SEC61A1: variants seen among roughly 807,000 people sequenced by gnomAD.
SEC61A1 encodes the protein protein transport protein Sec61 subunit alpha isoform 1.
A neutral mutation model predicts 55.2 loss-of-function variants in SEC61A1; 15 were observed. The ratio of observed to expected loss-of-function variants is 0.27; its 90% CI spans 0.18 to 0.42. The LOEUF (loss-of-function observed/expected upper bound fraction) is 0.42, where lower values mean the gene tolerates loss of function less well. Among genes scored for constraint, SEC61A1 ranks in the 10% least tolerant of loss-of-function variants. The pLI is 1.00. For synonymous variants in SEC61A1, 247 were observed against 234.0 expected (o/e 1.06, Z -0.51); for missense variants, 284 against 602.6 (o/e 0.47, Z 5.53).
chr3:128,060,060 G>T, intron 5 of SEC61A1, 42 bp from the exon 6 acceptor site: 2 of 1,411,966 alleles, frequency 1.4e-6, no homozygotes, highest in Non-Finnish European at 2.0e-6. Context: ...TTTGTTCTGT[G>T]TAGTGACCCA....
rs747499037 is a variant in SEC61A1 at position 128,056,709 on chromosome 3, G to C, written c.221G>C (p.Gly74Ala). ...TGTTTTGCTTCCCCGTTTCCTCAAG[G>C]CACATTGATGGAGCTAGGGATCTCT... ...WMRVILASNR[G>A]TLMELGISPI... The change falls in exon 5 of 12, where the codon GGC (glycine) becomes GCC (alanine). Residue 74 changes from glycine to alanine, a missense_variant and splice_region_variant. Gly to Ala is a moderately conservative substitution (Grantham distance 60). Transcript: ENST00000243253. The C allele has an allele frequency of 6.4e-7, 1 of 1,555,950 alleles. No individual in the cohort carries two copies. The highest frequency in any genetic ancestry group is 8.7e-7 in the Non-Finnish European group (1 of 1,150,006).
chr3:128,057,231 C>T lies in SEC61A1; in HGVS notation c.352+391C>T, dbSNP rs77005320. ...ATAGGCGTGAGCCACCATGCCCAGC[C>T]CAAACAGTATTTTCTTTTGTGCTGC... On this transcript the variant is annotated intron_variant, in intron 5 of 11. Transcript: ENST00000243253. Among the ~76,000 whole-genome samples, 782 of 152,298 alleles carry T rather than the reference C, an allele frequency of 5.1e-3. 3 individuals are homozygous for T. Among genetic ancestry groups the T allele is most frequent in the Admixed American group, 0.01 (157 of 15,302 alleles).
chr3:128,067,526 G>A lies in SEC61A1; in HGVS notation c.1081G>A (p.Ala361Thr), dbSNP rs1341567227. The A allele has an allele frequency of 6.2e-7, 1 of 1,614,048 alleles. No individual in the cohort carries two copies. The highest frequency in any genetic ancestry group is 8.5e-7 in the Non-Finnish European group (1 of 1,180,026). The change falls in exon 10 of 12, where the codon GCA becomes ACA. Residue 361 changes from alanine to threonine, a missense_variant. Physicochemically the swap from Ala to Thr is moderately conservative, Grantham distance 58. Coordinates refer to ENST00000243253, the MANE Select transcript of SEC61A1 (RefSeq NM_013336.4). The surrounding 1 kb of genome is among the most constrained non-coding windows in gnomAD (Gnocchi z 4.1). Reference sequence around the variant, plus strand: ...CTCCGTGTTAGAAGACCCGGTCCATGCAGTTGTATACATAGTGTTCATGCT... The same window carrying A: ...CTCCGTGTTAGAAGACCCGGTCCATACAGTTGTATACATAGTGTTCATGCT... The part of the protein sequence containing the change: ...FGSVLEDPVH[A>T]VVYIVFMLGS...
intron 5 of SEC61A1, among the ~76,000 whole-genome samples, chr3:128,057,925 T>C (rs1941796935): frequency 6.6e-6 from 1 of 152,082 alleles, no homozygotes; most frequent in Non-Finnish European, 1.5e-5. Flanking sequence ...ATTTACCAGC[T>C]CTGTGATCTG....
chr3:128,060,870 A>C (rs1363547106), intron 7 of SEC61A1, among the ~76,000 whole-genome samples: 2 of 152,234 alleles, frequency 1.3e-5, no homozygotes, highest in African/African-American at 2.4e-5. Context: ...TTTCATATAA[A>C]AATATCTCCT....
At chr3:128,052,982 G>C in intron 2 of SEC61A1, 80 bp downstream of exon 2, 1 of 1,076,698 alleles carries the variant, frequency 9.3e-7, no homozygotes, top group Non-Finnish European at 1.4e-6. Flanking sequence ...ATTAAAAATG[G>C]CTTCAGCACG....
Position 128,067,261 on chromosome 3 carries a change from C to T in SEC61A1, c.975+110C>T. The T allele has an allele frequency of 1.5e-6, 2 of 1,337,800 alleles. No homozygotes were observed. Among genetic ancestry groups the T allele is most frequent in the South Asian group, 1.3e-5 (1 of 75,496 alleles). The allele number at this position is 1,337,800 out of a possible 1,614,324, so 82.9% of individuals were successfully genotyped here. A position where few individuals can be genotyped will look rare whatever the true frequency, so the allele number is the denominator to read the frequency against. ...CATCCAAAGATATTTTCCATTGTGC[C>T]TTTTACAAATTCAGCACATTAAATT... On this transcript the variant is annotated intron_variant, in intron 9 of 11. Coordinates refer to ENST00000243253, the MANE Select transcript of SEC61A1 (RefSeq NM_013336.4). This position sits in a 1 kb window ranked among gnomAD's most constrained non-coding sequence, Gnocchi z 4.1.
chr3:128,053,535 C>T (rs535852956), intron 2 of SEC61A1, among the ~76,000 whole-genome samples: 1 of 152,284 alleles, frequency 6.6e-6, no homozygotes, highest in African/African-American at 2.4e-5. Context: ...CATTAGGTTC[C>T]TAGGTTAGAG....
At chr3:128,054,696 C>T (rs911558116) in intron 2 of SEC61A1, among the ~76,000 whole-genome samples, 8 of 152,184 alleles carry the variant, frequency 5.3e-5, no homozygotes, top group Admixed American at 2.6e-4. Flanking sequence ...CAGAATCTTC[C>T]GTCTGTACAA....
chr3:128,068,191 A>T, intron 11 of SEC61A1, 132 bp downstream of exon 11: 1 of 668,550 alleles, frequency 1.5e-6, no homozygotes, highest in East Asian at 2.7e-5. Flanking sequence ...GGACAGAATT[A>T]AATGTTATAT....
At position 128,069,518 on chromosome 3, in the gene SEC61A1, G is replaced by A. The variant is rs375167026; in HGVS notation, c.1287G>A (p.Gly429=). 3 of 1,613,664 alleles carry A rather than the reference G, an allele frequency of 1.9e-6. No homozygotes were observed. Among genetic ancestry groups the A allele is most frequent in the Non-Finnish European group, 2.5e-6 (3 of 1,180,008 alleles). The part of the protein sequence containing the change: ...TAAAFGGLCI[G]ALSVLADFLG... ...CGGCCTTTGGTGGGCTGTGCATCGG[G>A]GCCCTCTCGGTCCTGGCTGACTTCC... Residue 429 remains glycine, a synonymous_variant, in exon 12 of 12, where the codon GGG becomes GGA. Coordinates refer to ENST00000243253, the MANE Select transcript of SEC61A1 (RefSeq NM_013336.4).
intron 2 of SEC61A1, among the ~76,000 whole-genome samples, chr3:128,053,615 T>C (rs1941724330): frequency 6.6e-6 from 1 of 152,260 alleles, no homozygotes; most frequent in African/African-American, 2.4e-5. Context: ...ACATGGACAC[T>C]TGGGTGCTTG....
At chr3:128,056,351 C>T (rs904972538) in intron 4 of SEC61A1, among the ~76,000 whole-genome samples, 1 of 152,110 alleles carries the variant, frequency 6.6e-6, no homozygotes, top group African/African-American at 2.4e-5. Flanking sequence ...GCTCCTTTTC[C>T]AGACTCTGGA....
At chr3:128,063,498 C>A (rs1941881900) in intron 7 of SEC61A1, among the ~76,000 whole-genome samples, 2 of 152,188 alleles carry the variant, frequency 1.3e-5, no homozygotes, top group South Asian at 4.1e-4. Context: ...CCATGTTCGG[C>A]TAATTTTTTT....
chr3:128,054,505 A>AC (rs1941741392), intron 2 of SEC61A1, among the ~76,000 whole-genome samples: 1 of 152,178 alleles, frequency 6.6e-6, no homozygotes, highest in South Asian at 2.1e-4. Context: ...ACACTGATTC[A>AC]CCCACTGTTG....
Position 128,060,426 on chromosome 3 carries a change from T to C in SEC61A1, c.463-82T>C. On this transcript the variant is annotated intron_variant, in intron 6 of 11. Coordinates refer to ENST00000243253, the MANE Select transcript of SEC61A1 (RefSeq NM_013336.4). ...TCTCATTCCGTCTTCAGCGTTTATA[T>C]CAGAGAACCCAATTACTGAAGGACG... 5 of 1,453,180 alleles carry C rather than the reference T, an allele frequency of 3.4e-6. No homozygotes were observed. In the South Asian group the frequency reaches 6.2e-5, roughly 18 times the overall value. 90.0% of individuals were successfully genotyped at this position (1,453,180 alleles called of 1,614,324 possible).
At chr3:128,063,684 C>T (rs1399674338) in intron 7 of SEC61A1, among the ~76,000 whole-genome samples, 1 of 152,164 alleles carries the variant, frequency 6.6e-6, no homozygotes, top group Admixed American at 6.5e-5. Context: ...TACCATGACC[C>T]CACACTGCCC....
intron 7 of SEC61A1, among the ~76,000 whole-genome samples, chr3:128,063,815 C>G (rs1941889360): frequency 6.6e-6 from 1 of 152,150 alleles, no homozygotes; most frequent in Admixed American, 6.5e-5. Context: ...TCACTTGTTT[C>G]TTTTTTTCGC....
intron 7 of SEC61A1, 38 bp from the exon 8 acceptor site, chr3:128,064,839 G>C (rs749113114): frequency 2.6e-6 from 4 of 1,535,092 alleles, no homozygotes; most frequent in Admixed American, 4.1e-5. Context: ...TGAGTTGCCT[G>C]TTCGTTCCTT....
Sources: allele counts gnomAD v4.1 joint callset (sites outside exome capture counted in the v4.1 genomes callset), GRCh38; gene constraint gnomAD v4.1.1; non-coding constraint Gnocchi (gnomAD v3.1); transcripts MANE v1.5; gene names NCBI Gene and HGNC (gene_info 2026-07-23, HGNC 2026-07-21).